Variants in CD58 observed in about 807,000 individuals in gnomAD.
CD58 encodes the protein lymphocyte function-associated antigen 3.
Under a neutral mutation model 27.6 loss-of-function variants are expected in CD58, and 14 were observed. The observed-to-expected ratio is 0.51, with a 90% CI of 0.34 to 0.79. The LOEUF (loss-of-function observed/expected upper bound fraction) is 0.79. Ranked by LOEUF, CD58 falls within the 30% of genes least tolerant of loss-of-function variation. CD58 has a pLI of 0.02. For synonymous variants in CD58, 117 were observed against 103.8 expected (o/e 1.13, Z -0.77); for missense variants, 268 against 301.7 (o/e 0.89, Z 0.83).
rs906361541 is a variant in CD58 at position 116,532,977 on chromosome 1, T to G, written c.628+2988A>C. The stretch of plus-strand genomic sequence containing the variant: ...TCCGCCGGCTGGCTGGGTTCCTTGT[T>G]GGGATTAATTTCCACCTCATCCTCA... On this transcript the variant is annotated intron_variant, in intron 3 of 5. Transcript: ENST00000369489. This position sits in a 1 kb window ranked among gnomAD's most constrained non-coding sequence, Gnocchi z 5.1. The G allele has an allele frequency of 2.2e-6, 2 of 898,788 alleles. No individual in the cohort carries two copies. The highest frequency in any genetic ancestry group is 1.4e-5 in the South Asian group (1 of 72,360). 55.7% of individuals were successfully genotyped at this position (898,788 alleles called of 1,614,324 possible).
intron 5 of CD58, among the ~76,000 whole-genome samples, chr1:116,518,055 T>A (rs111442771): frequency 7.9e-5 from 12 of 152,210 alleles, no homozygotes; most frequent in African/African-American, 2.9e-4. Context: ...TTAATATATT[T>A]TGACACAGTT....
chr1:116,554,768 A>C (rs967098631), intron 1 of CD58, among the ~76,000 whole-genome samples: 1 of 152,136 alleles, frequency 6.6e-6, no homozygotes, highest in South Asian at 2.1e-4. Flanking sequence ...TACTATTATA[A>C]TATTAAAACT....
In CD58 at chr1:116,544,537, T is replaced by A; in HGVS notation, c.138A>T (p.Pro46=). ...GGACCTCTTTTAAAGGCACATTGCT[T>A]GGTACATGGAAAGTTACATTCCCAT... ...VVYGNVTFHV[P]SNVPLKEVLW... is the part of the protein sequence containing the mutation. The change falls in exon 2 of 6, where the codon CCA becomes CCT. Residue 46 remains proline (P), a synonymous_variant. Transcript: ENST00000369489. 6.2e-7 allele frequency: 1 copy of A among 1,613,646 alleles called. No individual in the cohort carries two copies.
At chr1:116,544,129 C>T (rs1658076081) in intron 2 of CD58, among the ~76,000 whole-genome samples, 182 bp downstream of exon 2, 1 of 152,042 alleles carries the variant, frequency 6.6e-6, no homozygotes, top group Admixed American at 6.6e-5. Flanking sequence ...CTCTCCTCAC[C>T]CAGAGGAATG....
intron 1 of CD58, among the ~76,000 whole-genome samples, chr1:116,547,471 G>A (rs1245015418): frequency 4.0e-5 from 6 of 151,534 alleles, no homozygotes; most frequent in South Asian, 2.1e-4. Flanking sequence ...GACTACAGGC[G>A]CCCACCACCA....
Position 116,519,926 on chromosome 1 carries a change from C to T in CD58, c.707-659G>A, listed in dbSNP as rs1238640036. Among the ~76,000 whole-genome samples the T allele has an allele frequency of 6.6e-6, 1 of 152,168 alleles. No individual in the cohort carries two copies. Among genetic ancestry groups the T allele is most frequent in the East Asian group, 1.9e-4 (1 of 5,190 alleles). The stretch of plus-strand genomic sequence containing the variant: ...TGCCCACAGTAGGCATCCGCCTGAC[C>T]CTAGAACTATGCTAGTGGTTCAGAA... On this transcript the variant is annotated intron_variant, in intron 4 of 5. Transcript: ENST00000369489. This position sits in a 1 kb window ranked among gnomAD's most constrained non-coding sequence, Gnocchi z 4.7.
chr1:116,564,541 G>A (rs1049036875), intron 1 of CD58, among the ~76,000 whole-genome samples: 4 of 152,206 alleles, frequency 2.6e-5, no homozygotes, highest in African/African-American at 7.2e-5. Flanking sequence ...AGTTCCACCT[G>A]GCCAGGGAGG....
rs774159392 is a variant in CD58 at position 116,523,616 on chromosome 1, T to G, written c.629-1633A>C. On this transcript the variant is annotated intron_variant, in intron 3 of 5. Transcript: ENST00000369489. This position sits in a 1 kb window ranked among gnomAD's most constrained non-coding sequence, Gnocchi z 4.4. ...GGCAATAATACTCCCCAAGTAGTGT[T>G]TGTATACTTCCCTTAGGTGGCATAC... Among the ~76,000 whole-genome samples the G allele has an allele frequency of 7.9e-5, 12 of 152,176 alleles. No homozygotes were observed. The highest frequency in any genetic ancestry group is 1.6e-4 in the Non-Finnish European group (11 of 68,028).
At chr1:116,533,306 A>G (rs950165413) in intron 3 of CD58, 3 of 1,391,660 alleles carry the variant, frequency 2.2e-6, no homozygotes, top group Admixed American at 3.5e-5. Context: ...TGGTTTTGAC[A>G]GTAACATTCT....
chr1:116,548,624 T>A (rs1382435047), intron 1 of CD58, among the ~76,000 whole-genome samples: 1 of 151,956 alleles, frequency 6.6e-6, no homozygotes, highest in Non-Finnish European at 1.5e-5. Flanking sequence ...TGGTAAGGCT[T>A]CTGGTAGGCT....
In CD58 at chr1:116,523,991, T is replaced by C. The variant is rs968951964; in HGVS notation, c.629-2008A>G. Among the ~76,000 whole-genome samples the C allele has an allele frequency of 6.6e-6, 1 of 152,228 alleles. No homozygotes were observed. The highest frequency in any genetic ancestry group is 1.5e-5 in the Non-Finnish European group (1 of 68,036). ...GATGTGTTTCAATCTACTGAAGTTG[T>C]TATTCTTATTGATGTTCCAATTGTC... On this transcript the variant is annotated intron_variant, in intron 3 of 5. Coordinates refer to ENST00000369489, the MANE Select transcript of CD58 (RefSeq NM_001779.3). This position sits in a 1 kb window ranked among gnomAD's most constrained non-coding sequence, Gnocchi z 4.4.
chr1:116,554,650 C>G (rs1025367351), intron 1 of CD58, among the ~76,000 whole-genome samples: 1 of 151,994 alleles, frequency 6.6e-6, no homozygotes, highest in African/African-American at 2.4e-5. Flanking sequence ...TTTAAAGTAA[C>G]CACGGTTACT....
rs762411979 is a variant in CD58, at chr1:116,522,014, T to C, written c.629-31A>G. On this transcript the variant is annotated intron_variant, in intron 3 of 5. Coordinates refer to ENST00000369489, the MANE Select transcript of CD58 (RefSeq NM_001779.3). This position sits in a 1 kb window ranked among gnomAD's most constrained non-coding sequence, Gnocchi z 4.6. The stretch of plus-strand genomic sequence containing the variant: ...AAAAAGAAAAGAAAAGAAATTCAAC[T>C]AGTTGAACTGATCAAAATGGATCCT... 4.1e-6 allele frequency: 5 copies of C among 1,205,730 alleles called. No homozygotes were observed. The African/African-American group carries it at 4.6e-5, about 11-fold the overall frequency. The allele number at this position is 1,205,730 out of a possible 1,614,324, so 74.7% of individuals were successfully genotyped here.
Position 116,536,323 on chromosome 1 carries a change from T to C in CD58, c.365-95A>G. On this transcript the variant is annotated intron_variant, in intron 2 of 5. Transcript: ENST00000369489. This position sits in a 1 kb window ranked among gnomAD's most constrained non-coding sequence, Gnocchi z 5.4. ...AAGAGCTCGCAACCTCCTTACAAGCTTGAAAGGATGAGCAGACAAACTCCT... is the reference window on the plus strand; with the variant it reads ...AAGAGCTCGCAACCTCCTTACAAGCCTGAAAGGATGAGCAGACAAACTCCT... 1 of 892,358 alleles carries C rather than the reference T, an allele frequency of 1.1e-6. No individual in the cohort carries two copies. Among genetic ancestry groups the C allele is most frequent in the East Asian group, 2.7e-5 (1 of 37,590 alleles). The allele number at this position is 892,358 out of a possible 1,614,324, so 55.3% of individuals were successfully genotyped here.
At chr1:116,560,605 A>C (rs1373053565) in intron 1 of CD58, among the ~76,000 whole-genome samples, 1 of 152,232 alleles carries the variant, frequency 6.6e-6, no homozygotes. Flanking sequence ...GCATAGGAAG[A>C]AAATGTTCAA....
At chr1:116,544,756 T>A in intron 1 of CD58, 152 bp from the exon 2 acceptor site, 1 of 599,744 alleles carries the variant, frequency 1.7e-6, no homozygotes, top group Non-Finnish European at 2.9e-6. Flanking sequence ...TACTCTTTAA[T>A]AGAAAACTGG....
At position 116,519,227 on chromosome 1, in the gene CD58, T is replaced by C. The variant is rs748132625; in HGVS notation, c.743+4A>G. On this transcript the variant is annotated splice_donor_region_variant and intron_variant, in intron 5 of 5. Transcript: ENST00000369489. The surrounding 1 kb of genome is among the most constrained non-coding windows in gnomAD (Gnocchi z 4.7). ...ACAGAGTGCACAGCCTGCAGTGTAC[T>C]TACTTGGTTCTGTCTGGTTTTCTGT... is the stretch of plus-strand genomic sequence containing the variant. 6.2e-7 allele frequency: 1 copy of C among 1,612,904 alleles called. No individual in the cohort carries two copies.
intron 5 of CD58, chr1:116,518,656 G>A (rs1392856459): frequency 4.1e-6 from 4 of 986,304 alleles, no homozygotes; most frequent in African/African-American, 1.7e-5. Context: ...TCTGCCTCCT[G>A]ACCACCAGTG....
chr1:116,560,484 T>C (rs1658718902), intron 1 of CD58, among the ~76,000 whole-genome samples: 1 of 152,256 alleles, frequency 6.6e-6, no homozygotes, highest in Admixed American at 6.5e-5. Context: ...TGGGAAACTC[T>C]ATTGCAAGTA....
Sources: allele counts gnomAD v4.1 joint callset (sites outside exome capture counted in the v4.1 genomes callset), GRCh38; gene constraint gnomAD v4.1.1; non-coding constraint Gnocchi (gnomAD v3.1); transcripts MANE v1.5; gene names NCBI Gene and HGNC (gene_info 2026-07-23, HGNC 2026-07-21).